The following ABCC8 variants were observed in gnomAD, a reference collection of about 807,000 sequenced individuals.
The protein encoded by ABCC8 is ATP binding cassette subfamily C member 8.
Under a neutral mutation model 188.0 loss-of-function variants are expected in ABCC8, and 137 were observed. The ratio of observed to expected loss-of-function variants is 0.73; its 90% CI spans 0.63 to 0.84. The LOEUF (loss-of-function observed/expected upper bound fraction) is 0.84. Ranked by LOEUF, ABCC8 falls within the 40% of genes least tolerant of loss-of-function variation. ABCC8 has a pLI of 0.00. For synonymous variants in ABCC8, 797 were observed against 846.5 expected (o/e 0.94, Z 1.01); for missense variants, 1,750 against 2,072.7 (o/e 0.84, Z 3.02).
intron 17 of ABCC8, 73 bp downstream of exon 17, chr11:17,416,857 C>G: frequency 6.3e-7 from 1 of 1,586,996 alleles, no homozygotes; most frequent in Non-Finnish European, 8.6e-7. Flanking sequence ...ATTACCCACC[C>G]ACAAGTCCTC....
chr11:17,414,884 G>A (rs1434588511), intron 18 of ABCC8, among the ~76,000 whole-genome samples: 1 of 152,100 alleles, frequency 6.6e-6, no homozygotes, highest in Non-Finnish European at 1.5e-5. Flanking sequence ...CCTTAGTCAG[G>A]GAGGAGCCCA....
intron 12 of ABCC8, chr11:17,430,567 TGTC>T (rs1955800649): frequency 3.7e-6 from 2 of 547,070 alleles, no homozygotes; most frequent in African/African-American, 3.8e-5. Context: ...TTTTTTAAGT[TGTC>T]GTGAAAGTGA....
chr11:17,460,864 C>T (rs1957165192), intron 5 of ABCC8, 188 bp from the exon 6 acceptor site: 1 of 1,195,576 alleles, frequency 8.4e-7, no homozygotes, highest in Non-Finnish European at 1.1e-6. Flanking sequence ...CCTATCAACA[C>T]CAACATGGTC....
intron 10 of ABCC8, chr11:17,435,952 GCAAT>G: frequency 6.3e-7 from 1 of 1,578,210 alleles, no homozygotes; most frequent in Non-Finnish European, 8.7e-7. Flanking sequence ...TGCACTCAAA[GCAAT>G]ACCAGTGCCA....
At chr11:17,421,842 C>G (rs1384911144) in intron 16 of ABCC8, among the ~76,000 whole-genome samples, 1 of 152,208 alleles carries the variant, frequency 6.6e-6, no homozygotes, top group Admixed American at 6.5e-5. Flanking sequence ...ACCAACAAAG[C>G]ACCCATCTCC....
intron 7 of ABCC8, 31 bp downstream of exon 7, chr11:17,453,088 T>C (rs950922029): frequency 3.2e-6 from 5 of 1,567,690 alleles, no homozygotes; most frequent in Non-Finnish European, 4.4e-6. Flanking sequence ...ATGGTTCTTA[T>C]GGCAAAGTGA....
At position 17,448,720 on chromosome 11, in the gene ABCC8, A is replaced by G. The variant is rs148629637; in HGVS notation, c.1177-49T>C. 70 of 1,613,544 alleles carry G rather than the reference A, an allele frequency of 4.3e-5. No homozygotes were observed. The Admixed American group carries it at 4.8e-4, about 11-fold the overall frequency. The stretch of plus-strand genomic sequence containing the variant: ...CACATTCATCATCATTCTCATCATC[A>G]TCACCACACCAGATGCCACCTGTTA... On this transcript the variant is annotated intron_variant, in intron 7 of 38. Coordinates refer to ENST00000389817, the MANE Select transcript of ABCC8 (RefSeq NM_000352.6).
At chr11:17,458,773 C>T (rs936756048) in intron 6 of ABCC8, among the ~76,000 whole-genome samples, 1 of 152,196 alleles carries the variant, frequency 6.6e-6, no homozygotes, top group African/African-American at 2.4e-5. Context: ...CTTCCCATGG[C>T]AGCCTGGCAA....
At chr11:17,395,574 TG>T in intron 35 of ABCC8, 35 bp downstream of exon 35, 1 of 1,543,292 alleles carries the variant, frequency 6.5e-7, no homozygotes, top group Non-Finnish European at 8.7e-7. Context: ...TGAGCCGGCC[TG>T]GGGCTGGGTG....
At chr11:17,393,256 C>G in intron 38 of ABCC8, 128 bp from the exon 39 acceptor site, 1 of 1,293,690 alleles carries the variant, frequency 7.7e-7, no homozygotes, top group Non-Finnish European at 1.1e-6. Flanking sequence ...TGTCCTGTCA[C>G]TGTGGGGACT....
chr11:17,393,810 C>T, intron 37 of ABCC8, 51 bp from the exon 38 acceptor site: 6 of 1,614,056 alleles, frequency 3.7e-6, no homozygotes, highest in Non-Finnish European at 5.1e-6. Flanking sequence ...TGGATGGGGT[C>T]TGGCCTGGCT....
chr11:17,392,554 G>T (rs1205607156), downstream of ABCC8: 2 of 279,582 alleles, frequency 7.2e-6, no homozygotes, highest in Non-Finnish European at 1.4e-5. Context: ...AGAAAGCAGG[G>T]ATGCATGTGC....
chr11:17,411,049 C>T lies in ABCC8; in HGVS notation c.2557-396G>A, dbSNP rs1396692051. On this transcript the variant is annotated intron_variant, in intron 21 of 38. Coordinates refer to ENST00000389817, the MANE Select transcript of ABCC8 (RefSeq NM_000352.6). ...TTCCCAGGAAGCCTGCCGTCTGGGC[C>T]TTCTCCTGAGCTGTTCCTCTGCCTG... Among the ~76,000 whole-genome samples, 8 of 152,306 alleles carry T rather than the reference C, an allele frequency of 5.3e-5. No individual in the cohort carries two copies. In the East Asian group the frequency reaches 1.5e-3, roughly 29 times the overall value.
intron 16 of ABCC8, 75 bp from the exon 17 acceptor site, chr11:17,417,037 AG>A: frequency 6.2e-7 from 1 of 1,605,394 alleles, no homozygotes; most frequent in Non-Finnish European, 8.5e-7. Flanking sequence ...GCTGAGTCTT[AG>A]GGGAGAAGCA....
At chr11:17,416,902 C>T in intron 17 of ABCC8, 28 bp downstream of exon 17, 1 of 1,613,914 alleles carries the variant, frequency 6.2e-7, no homozygotes, top group Non-Finnish European at 8.5e-7. Context: ...TGTTGAGACC[C>T]ACTTCTGACC....
At chr11:17,461,064 G>A (rs986881074) in intron 5 of ABCC8, 7 of 354,836 alleles carry the variant, frequency 2.0e-5, no homozygotes, top group African/African-American at 1.5e-4. Context: ...TGGACTGGGA[G>A]CCAGGAGACT....
chr11:17,411,394 T>C (rs992060054), intron 21 of ABCC8, among the ~76,000 whole-genome samples: 1 of 152,212 alleles, frequency 6.6e-6, no homozygotes, highest in East Asian at 1.9e-4. Context: ...AGCAGGGTTG[T>C]TTAAATCTCA....
At chr11:17,448,403 T>C in intron 8 of ABCC8, 113 bp downstream of exon 8, 2 of 961,622 alleles carry the variant, frequency 2.1e-6, no homozygotes, top group East Asian at 2.4e-5. Flanking sequence ...GTGTGAAAGG[T>C]ACAGGCAAGC....
At chr11:17,470,681 T>C (rs1192099685) in intron 2 of ABCC8, among the ~76,000 whole-genome samples, 1 of 152,218 alleles carries the variant, frequency 6.6e-6, no homozygotes, top group East Asian at 1.9e-4. Context: ...TTAAACCCCA[T>C]CGAGTGGGTA....
Sources: gnomAD v4.1 joint callset for allele counts (sites outside exome capture counted in the v4.1 genomes callset) on GRCh38, gnomAD v4.1.1 for gene constraint, MANE v1.5 for transcripts, NCBI Gene and HGNC (gene_info 2026-07-23, HGNC 2026-07-21) for gene names.